ESR1: variants seen among roughly 807,000 people sequenced by gnomAD.
ESR1 encodes the protein estrogen receptor.
ESR1 carries 12 observed loss-of-function variants against 52.7 expected under a neutral mutation model. That is an observed-to-expected ratio of 0.23 (90% confidence interval 0.15 to 0.37). The LOEUF (loss-of-function observed/expected upper bound fraction) is 0.37. Among genes scored for constraint, ESR1 ranks in the 10% least tolerant of loss-of-function variants. The pLI is 1.00. For missense variants in ESR1, 584 were observed against 779.7 expected (o/e 0.75, Z 2.99); for synonymous variants, 305 against 316.8 (o/e 0.96, Z 0.39).
intron 2 of ESR1, among the ~76,000 whole-genome samples, chr6:151,867,718 A>C (rs1180992833): frequency 1.3e-5 from 2 of 152,224 alleles, no homozygotes; most frequent in African/African-American, 4.8e-5. Context: ...AAATTAGTTC[A>C]ACCATTGTGG....
chr6:151,809,157 G>C lies in ESR1; in HGVS notation c.452+793G>C, dbSNP rs186166753. On this transcript the variant is annotated intron_variant, in intron 1 of 7. Coordinates refer to ENST00000206249, the MANE Select transcript of ESR1 (RefSeq NM_000125.4). ...CAGTGACAAGCCTGTCCCACCCGGG[G>C]AGAATGCCCCGGAGTGGCGTGCGGG... 805 of 443,662 alleles carry C rather than the reference G, an allele frequency of 1.8e-3. 8 individuals are homozygous for C. The highest frequency in any genetic ancestry group is 2.8e-3 in the Non-Finnish European group (589 of 207,966). 27.5% of individuals were successfully genotyped at this position (443,662 alleles called of 1,614,324 possible).
chr6:152,048,021 A>C (rs1320940781), intron 5 of ESR1, among the ~76,000 whole-genome samples: 2 of 128,410 alleles, frequency 1.6e-5, no homozygotes, highest in South Asian at 2.5e-4. Flanking sequence ...TCTTCTTGGC[A>C]CACTCTTCCC....
At chr6:151,818,438 GTGAAAC>G (rs1012392936) in intron 1 of ESR1, among the ~76,000 whole-genome samples, 4 of 152,182 alleles carry the variant, frequency 2.6e-5, no homozygotes, top group Non-Finnish European at 5.9e-5. Context: ...ATTGTGATCA[GTGAAAC>G]CAATGTTGCT....
At chr6:151,860,039 G>T (rs1260056338) in intron 2 of ESR1, among the ~76,000 whole-genome samples, 1 of 152,058 alleles carries the variant, frequency 6.6e-6, no homozygotes, top group African/African-American at 2.4e-5. Context: ...TTTCTGCTCT[G>T]AGACTAAGCA....
intron 5 of ESR1, among the ~76,000 whole-genome samples, chr6:152,027,070 G>A (rs557396353): frequency 1.1e-4 from 17 of 151,590 alleles, no homozygotes; most frequent in African/African-American, 3.6e-4. Flanking sequence ...GGGTTCCAGC[G>A]ATTCTCCTGC....
chr6:151,838,668 A>T (rs925947801), intron 1 of ESR1, among the ~76,000 whole-genome samples: 2 of 152,218 alleles, frequency 1.3e-5, no homozygotes, highest in African/African-American at 4.8e-5. Context: ...TTTAAATAAC[A>T]TTTTGACAGT....
intron 2 of ESR1, among the ~76,000 whole-genome samples, chr6:151,850,041 T>A (rs369709893): frequency 1.2e-4 from 6 of 50,604 alleles, no homozygotes; most frequent in African/African-American, 3.8e-4. Context: ...TATATATATA[T>A]AATTTTATAT....
chr6:151,735,558 TG>T (rs144856261), intron 2 of ESR1, among the ~76,000 whole-genome samples: 169 of 152,090 alleles, frequency 1.1e-3, no homozygotes, highest in Non-Finnish European at 1.2e-3. Flanking sequence ...CTTGGTTGTT[TG>T]TTTTTGTTTT....
At chr6:151,909,051 A>G (rs1194155565) in intron 3 of ESR1, among the ~76,000 whole-genome samples, 3 of 152,210 alleles carry the variant, frequency 2.0e-5, no homozygotes, top group African/African-American at 7.2e-5. Context: ...AACTTCTGCA[A>G]TCAAGGTAAT....
chr6:151,674,134 T>G (rs943474588), intron 1 of ESR1, among the ~76,000 whole-genome samples: 1 of 152,216 alleles, frequency 6.6e-6, no homozygotes, highest in Non-Finnish European at 1.5e-5. Flanking sequence ...ATCTAGGTTT[T>G]AAGCCTTGCA....
At chr6:151,926,322 C>G (rs1382419830) in intron 3 of ESR1, among the ~76,000 whole-genome samples, 1 of 152,120 alleles carries the variant, frequency 6.6e-6, no homozygotes, top group Non-Finnish European at 1.5e-5. Context: ...AAAGGCTATT[C>G]TAGGTCTTTT....
rs2050849411 is a variant in ESR1 at position 152,098,859 on chromosome 6, G to A, written c.1681G>A (p.Glu561Lys). ...APTSRGGASVEETDQSHLATA... is the reference protein window; with the variant it reads ...APTSRGGASVKETDQSHLATA... ...CACTAGCCGTGGAGGGGCATCCGTGGAGGAGACGGACCAAAGCCACTTGGC... is the reference window on the plus strand; with the variant it reads ...CACTAGCCGTGGAGGGGCATCCGTGAAGGAGACGGACCAAAGCCACTTGGC... Residue 561 changes from glutamate (E) to lysine (K), a missense_variant, in exon 8 of 8, where the codon GAG becomes AAG. Transcript: ENST00000206249. This position sits in a 1 kb window ranked among gnomAD's most constrained non-coding sequence, Gnocchi z 5.1. 1 of 1,614,190 alleles carries A rather than the reference G, an allele frequency of 6.2e-7. No individual in the cohort carries two copies. Among genetic ancestry groups the A allele is most frequent in the Non-Finnish European group, 8.5e-7 (1 of 1,180,038 alleles).
chr6:151,699,599 G>A (rs1461188652), intron 1 of ESR1, among the ~76,000 whole-genome samples: 2 of 152,178 alleles, frequency 1.3e-5, no homozygotes. Context: ...CAAAAATATT[G>A]AGAAGGCAAC....
chr6:151,685,250 C>G (rs1332375538), intron 1 of ESR1, among the ~76,000 whole-genome samples: 2 of 150,712 alleles, frequency 1.3e-5, no homozygotes, highest in African/African-American at 4.9e-5. Flanking sequence ...TCTCCTGCCT[C>G]AGCCTCCCGA....
At chr6:151,801,818 A>G (rs1334734227), upstream of ESR1, among the ~76,000 whole-genome samples, 1 of 152,234 alleles carries the variant, frequency 6.6e-6, no homozygotes, top group East Asian at 1.9e-4. Context: ...AGAAGAGGAT[A>G]GCTCCGTCCT....
intron 2 of ESR1, among the ~76,000 whole-genome samples, chr6:151,794,670 A>G (rs1029242988): frequency 2.0e-5 from 3 of 152,152 alleles, no homozygotes; most frequent in Non-Finnish European, 4.4e-5. Context: ...AATGTTGCAA[A>G]TAGTCAAAAC....
chr6:152,034,235 A>G (rs1458763119), intron 5 of ESR1, among the ~76,000 whole-genome samples: 1 of 152,084 alleles, frequency 6.6e-6, no homozygotes, highest in Non-Finnish European at 1.5e-5. Context: ...ACATGTATGC[A>G]TATGTAACAA....
intron 1 of ESR1, among the ~76,000 whole-genome samples, chr6:151,829,783 C>T (rs1267293457): frequency 1.3e-5 from 2 of 152,130 alleles, no homozygotes; most frequent in African/African-American, 4.8e-5. Context: ...AACTGAGGTG[C>T]AGAGGGGTTC....
At chr6:152,020,751 C>T (rs535874965) in intron 5 of ESR1, among the ~76,000 whole-genome samples, 4 of 152,196 alleles carry the variant, frequency 2.6e-5, no homozygotes, top group East Asian at 1.9e-4. Context: ...ACACCTGGCC[C>T]ATCAGTTCTT....
Sources: allele counts gnomAD v4.1 joint callset (sites outside exome capture counted in the v4.1 genomes callset), GRCh38; gene constraint gnomAD v4.1.1; non-coding constraint Gnocchi (gnomAD v3.1); transcripts MANE v1.5; gene names NCBI Gene and HGNC (gene_info 2026-07-23, HGNC 2026-07-21).